The following CA7 variants were observed in gnomAD, a reference collection of about 807,000 sequenced individuals.
CA7 encodes carbonate dehydratase VII.
CA7 carries 13 observed loss-of-function variants against 31.4 expected under a neutral mutation model. That is an observed-to-expected ratio of 0.41 (90% CI 0.27 to 0.66). The LOEUF is 0.66. Among genes scored for constraint, CA7 ranks in the 30% least tolerant of loss-of-function variants. The pLI is 0.28. For synonymous variants in CA7, 128 were observed against 133.2 expected, an observed-to-expected ratio of 0.96 and a Z score of 0.27; for missense variants, 215 against 351.0, an observed-to-expected ratio of 0.61 and a Z score of 3.10.
At chr16:66,852,525 G>GGA (rs978598684) in intron 5 of CA7, among the ~76,000 whole-genome samples, 187 bp from the exon 6 acceptor site, 1 of 139,338 alleles carries the variant, frequency 7.2e-6, no homozygotes, top group African/African-American at 2.8e-5. Context: ...AGGAAGGAAG[G>GGA]AAGGGAAAGG....
At chr16:66,850,504 T>A (rs748219507) in intron 2 of CA7, 37 bp from the exon 3 acceptor site, 3 of 1,195,280 alleles carry the variant, frequency 2.5e-6, no homozygotes, top group East Asian at 2.3e-5. Context: ...GTCGGTCCTC[T>A]CCTACTCATT....
rs759866965 is a variant in CA7 at position 66,851,455 on chromosome 16, C to T, written c.358-8C>T. 3 of 1,613,216 alleles carry T rather than the reference C, an allele frequency of 1.9e-6. No homozygotes were observed. The highest frequency in any genetic ancestry group is 1.6e-4 in the Middle Eastern group (1 of 6,062). On this transcript the variant is annotated splice_polypyrimidine_tract_variant and splice_region_variant and intron_variant, in intron 3 of 6. Coordinates refer to ENST00000338437, the MANE Select transcript of CA7 (RefSeq NM_005182.3). Reference sequence around the variant, plus strand: ...GGCACGAAGCATTGGCCTGTTGTTGCCCCATAGCTGCATCTGGTTCACTGG... The same window carrying T: ...GGCACGAAGCATTGGCCTGTTGTTGTCCCATAGCTGCATCTGGTTCACTGG...
At chr16:66,846,980 G>A (rs1960942026) in intron 1 of CA7, 50 bp from the exon 2 acceptor site, 3 of 1,549,820 alleles carry the variant, frequency 1.9e-6, no homozygotes, top group Non-Finnish European at 2.7e-6. Context: ...TCGGCCTGAA[G>A]CCCAGAGATC....
At chr16:66,849,385 G>A (rs1960992022) in intron 2 of CA7, among the ~76,000 whole-genome samples, 1 of 152,150 alleles carries the variant, frequency 6.6e-6, no homozygotes, top group Non-Finnish European at 1.5e-5. Flanking sequence ...CAAGGTTCTA[G>A]GGAGGCAGTG....
chr16:66,851,322 C>A, intron 3 of CA7, 141 bp from the exon 4 acceptor site: 2 of 774,648 alleles, frequency 2.6e-6, no homozygotes, highest in East Asian at 2.5e-5. Flanking sequence ...CCTGGACCCC[C>A]CAGCATCCTA....
chr16:66,851,776 G>C (rs553461716), intron 5 of CA7, 50 bp downstream of exon 5: 3 of 1,549,024 alleles, frequency 1.9e-6, no homozygotes, highest in East Asian at 4.6e-5. Flanking sequence ...GAGAGGAAGA[G>C]GCTGGCTCAC....
At chr16:66,849,696 G>A (rs539101320) in intron 2 of CA7, among the ~76,000 whole-genome samples, 5 of 152,252 alleles carry the variant, frequency 3.3e-5, no homozygotes, top group Non-Finnish European at 5.9e-5. Flanking sequence ...GGGCAGGAGC[G>A]GGGAGGACAG....
At chr16:66,849,803 AG>A (rs1961001368) in intron 2 of CA7, among the ~76,000 whole-genome samples, 1 of 152,194 alleles carries the variant, frequency 6.6e-6, no homozygotes, top group South Asian at 2.1e-4. Flanking sequence ...ACAGGGGTCT[AG>A]GGGGCAGTGG....
chr16:66,845,367 G>C, intron 1 of CA7: 1 of 321,104 alleles, frequency 3.1e-6, no homozygotes, highest in Non-Finnish European at 4.5e-6. Context: ...AGACAGGTGG[G>C]GTGCGGAGAA....
chr16:66,844,473 G>A lies in CA7; in HGVS notation c.-15G>A, dbSNP rs929559681. ...GCCGACCGGGCAGGTGCACGGCTGC[G>A]GGGACGGCAGCGGCATGACCGGCCA... On this transcript the variant is annotated 5_prime_UTR_variant, in exon 1 of 7. Transcript: ENST00000338437. 27 of 1,539,350 alleles carry A rather than the reference G, an allele frequency of 1.8e-5. No homozygotes were observed. In the African/African-American group the frequency reaches 3.2e-4, roughly 18 times the overall value.
At chr16:66,845,328 G>T in intron 1 of CA7, 1 of 693,790 alleles carries the variant, frequency 1.4e-6, no homozygotes, top group Non-Finnish European at 1.8e-6. Flanking sequence ...GGGGTAAGGG[G>T]TTCCCTATTT....
intron 2 of CA7, among the ~76,000 whole-genome samples, chr16:66,849,756 CGGCT>C (rs1961000441): frequency 6.6e-6 from 1 of 152,074 alleles, no homozygotes; most frequent in African/African-American, 2.4e-5. Context: ...TGCCACCTGC[CGGCT>C]GTCAGGATTT....
intron 2 of CA7, among the ~76,000 whole-genome samples, chr16:66,848,501 G>A (rs1279012664): frequency 6.6e-6 from 1 of 152,186 alleles, no homozygotes; most frequent in African/African-American, 2.4e-5. Context: ...CATGCCTTTG[G>A]ATTACTGATC....
chr16:66,852,466 AAAAAAG>A (rs1005142314), intron 5 of CA7, among the ~76,000 whole-genome samples: 5 of 151,676 alleles, frequency 3.3e-5, no homozygotes, highest in Admixed American at 3.3e-4. Flanking sequence ...CCACCTCAAA[AAAAAAG>A]AAAAAGAAAA....
At chr16:66,848,947 G>A (rs545426800) in intron 2 of CA7, among the ~76,000 whole-genome samples, 8 of 152,316 alleles carry the variant, frequency 5.3e-5, no homozygotes, top group African/African-American at 1.4e-4. Flanking sequence ...CTCCTAGCCA[G>A]TGCCCAGGTC....
intron 1 of CA7, among the ~76,000 whole-genome samples, chr16:66,846,790 C>A (rs749897317): frequency 1.3e-5 from 2 of 152,182 alleles, no homozygotes; most frequent in African/African-American, 4.8e-5. Context: ...CATACAGTAC[C>A]TCTCTGGGCC....
chr16:66,851,189 G>A (rs181288977), intron 3 of CA7, among the ~76,000 whole-genome samples: 5 of 152,324 alleles, frequency 3.3e-5, no homozygotes, highest in South Asian at 4.1e-4. Context: ...GTTCATGATC[G>A]ATTTCACAGC....
At chr16:66,850,070 A>C (rs924427144) in intron 2 of CA7, among the ~76,000 whole-genome samples, 17 of 142,290 alleles carry the variant, frequency 1.2e-4, no homozygotes, top group African/African-American at 4.5e-4. Context: ...CAGTGAGCTG[A>C]GATTGTGCCA....
intron 5 of CA7, 45 bp from the exon 6 acceptor site, chr16:66,852,667 G>A (rs1179307081): frequency 1.3e-6 from 2 of 1,486,256 alleles, no homozygotes; most frequent in Non-Finnish European, 1.8e-6. Flanking sequence ...TTTGGTCCCA[G>A]TGGGAGGTCT....
Sources: gnomAD v4.1 joint callset for allele counts (sites outside exome capture counted in the v4.1 genomes callset) on GRCh38, gnomAD v4.1.1 for gene constraint, MANE v1.5 for transcripts, NCBI Gene and HGNC (gene_info 2026-07-23, HGNC 2026-07-21) for gene names.